The following ITPR1 variants were observed in gnomAD, a reference collection of about 807,000 sequenced individuals.
The protein encoded by ITPR1 is inositol 1,4,5-trisphosphate receptor type 1.
In ITPR1, 96 loss-of-function variants were observed where a neutral mutation model predicts 318.4. The observed-to-expected ratio is 0.30, with a 90% CI of 0.26 to 0.36. The LOEUF (loss-of-function observed/expected upper bound fraction) is 0.36, where lower values mean the gene tolerates loss of function less well. Among genes scored for constraint, ITPR1 ranks in the 10% least tolerant of loss-of-function variants. The pLI is 1.00. For synonymous variants in ITPR1, 1,312 were observed against 1,289.9 expected (o/e 1.02, Z -0.37); for missense variants, 2,440 against 3,460.2 (o/e 0.71, Z 7.40).
intron 4 of ITPR1, among the ~76,000 whole-genome samples, chr3:4,571,187 T>A (rs1301739203): frequency 6.6e-6 from 1 of 152,146 alleles, no homozygotes; most frequent in Non-Finnish European, 1.5e-5. Flanking sequence ...TATGGTAAAT[T>A]GGCATTACAA....
chr3:4,821,678 A>G (rs1182137096), intron 60 of ITPR1, among the ~76,000 whole-genome samples: 2 of 152,216 alleles, frequency 1.3e-5, no homozygotes, highest in South Asian at 2.1e-4. Flanking sequence ...TCAGCCATGT[A>G]AAAACACAAC....
At chr3:4,673,769 G>A (rs188634327) in intron 21 of ITPR1, among the ~76,000 whole-genome samples, 1,831 of 151,994 alleles carry the variant, frequency 0.012, 41 homozygotes, top group Middle Eastern at 0.054. Flanking sequence ...TTTTTAGTAG[G>A]GACGGGGTTT....
chr3:4,818,031 C>G, intron 59 of ITPR1, 51 bp from the exon 60 acceptor site: 1 of 1,485,032 alleles, frequency 6.7e-7, no homozygotes, highest in Non-Finnish European at 9.0e-7. Context: ...GATTTTTTTT[C>G]TTTACCAAGG....
At chr3:4,671,722 G>A (rs2094089522) in intron 20 of ITPR1, 1 of 152,154 alleles carries the variant, frequency 6.6e-6, no homozygotes, top group Non-Finnish European at 1.5e-5. Flanking sequence ...GAAAAGGAAA[G>A]GGAAGATAAA....
rs575193856 is a variant in ITPR1, at chr3:4,713,563, G to GC, written c.5103+1699dup. Among the ~76,000 whole-genome samples, 57 of 152,242 alleles carry GC rather than the reference G, an allele frequency of 3.7e-4. No homozygotes were observed. The East Asian group carries it at 0.01, about 27-fold the overall frequency. ...TGGAAGGTGTGCTGCCCTGCTCCCTGCCCCTACCCATTAGTGCCAACTGGG... is the reference window on the plus strand; with the variant it reads ...TGGAAGGTGTGCTGCCCTGCTCCCTGCCCCCTACCCATTAGTGCCAACTGGG... On this transcript the variant is annotated intron_variant, in intron 39 of 61. Coordinates refer to ENST00000649015, the MANE Select transcript of ITPR1 (RefSeq NM_001378452.1).
chr3:4,709,576 C>G (rs1161075529), intron 37 of ITPR1, among the ~76,000 whole-genome samples: 2 of 152,208 alleles, frequency 1.3e-5, no homozygotes, highest in Admixed American at 6.5e-5. Flanking sequence ...ATGGAGCAGG[C>G]TTTAGCATCT....
At chr3:4,824,177 G>A (rs937967621) in intron 60 of ITPR1, among the ~76,000 whole-genome samples, 3 of 152,140 alleles carry the variant, frequency 2.0e-5, no homozygotes, top group Admixed American at 6.5e-5. Flanking sequence ...ATGCACCAGC[G>A]CTGCCGTTTC....
chr3:4,662,254 C>G lies in ITPR1; in HGVS notation c.1412+12C>G. On this transcript the variant is annotated intron_variant, in intron 15 of 61. Transcript: ENST00000649015. ...CAGAATGAAAGGAGGTGAGCACTCCCGCATGCTCAGCACAGCCGCCCTCCC... is the reference window on the plus strand; with the variant it reads ...CAGAATGAAAGGAGGTGAGCACTCCGGCATGCTCAGCACAGCCGCCCTCCC... 1.9e-6 allele frequency: 3 copies of G among 1,581,954 alleles called. No individual in the cohort carries two copies. Among genetic ancestry groups the G allele is most frequent in the Non-Finnish European group, 2.6e-6 (3 of 1,162,458 alleles).
At chr3:4,671,828 G>C (rs779068420) in intron 20 of ITPR1, 1 of 152,166 alleles carries the variant, frequency 6.6e-6, no homozygotes, top group African/African-American at 2.4e-5. Context: ...CATGTGTGAT[G>C]TACGCATCCT....
At chr3:4,536,137 T>C (rs545002812) in intron 4 of ITPR1, among the ~76,000 whole-genome samples, 1 of 152,326 alleles carries the variant, frequency 6.6e-6, no homozygotes, top group South Asian at 2.1e-4. Context: ...TCACCTGCCC[T>C]GGAGGCTGCA....
chr3:4,745,212 G>T (rs2044014908), intron 44 of ITPR1, among the ~76,000 whole-genome samples: 2 of 130,906 alleles, frequency 1.5e-5, no homozygotes, highest in South Asian at 5.2e-4. Flanking sequence ...TCTTCCTTTT[G>T]GTGGGAGCAG....
intron 61 of ITPR1, among the ~76,000 whole-genome samples, chr3:4,839,025 G>C (rs150578939): frequency 1.3e-5 from 2 of 152,204 alleles, no homozygotes; most frequent in East Asian, 1.9e-4. Flanking sequence ...TGAGGAATTA[G>C]AGTAAAGAAT....
intron 4 of ITPR1, among the ~76,000 whole-genome samples, chr3:4,538,883 G>A (rs35878278): frequency 1.3e-5 from 2 of 151,928 alleles, no homozygotes; most frequent in African/African-American, 4.8e-5. Flanking sequence ...TTAGGGGATG[G>A]GTGAGGGGAG....
intron 29 of ITPR1, 62 bp downstream of exon 29, chr3:4,684,408 T>G (rs1013285051): frequency 8.3e-7 from 1 of 1,210,598 alleles, no homozygotes; most frequent in Non-Finnish European, 1.2e-6. Context: ...AGCTTTAGTT[T>G]GTGATAGTCA....
chr3:4,670,413 A>T (rs535958489), intron 19 of ITPR1, among the ~76,000 whole-genome samples: 1 of 152,106 alleles, frequency 6.6e-6, no homozygotes, highest in African/African-American at 2.4e-5. Flanking sequence ...GGGCTGTGCT[A>T]GGCACTGTAA....
intron 4 of ITPR1, among the ~76,000 whole-genome samples, chr3:4,577,461 C>A (rs2088810618): frequency 6.6e-6 from 1 of 152,172 alleles, no homozygotes; most frequent in Non-Finnish European, 1.5e-5. Context: ...GCGAACCATG[C>A]TGACTAGTGC....
At chr3:4,769,213 A>G (rs1274063619) in intron 46 of ITPR1, among the ~76,000 whole-genome samples, 1 of 152,016 alleles carries the variant, frequency 6.6e-6, no homozygotes, top group African/African-American at 2.4e-5. Context: ...TGGCCAGATC[A>G]GCAAAGTTCT....
Position 4,495,936 on chromosome 3 carries a change from A to G in ITPR1, c.-17+1430A>G, listed in dbSNP as rs746757373. On this transcript the variant is annotated intron_variant, in intron 2 of 61. Transcript: ENST00000649015. ...CCTCCCACCAATGATGAAATAATAC[A>G]TAACATTGATGTAAGAAGGAAAGGA... Among the ~76,000 whole-genome samples, 4 of 152,328 alleles carry G rather than the reference A, an allele frequency of 2.6e-5. No homozygotes were observed. The South Asian group carries it at 8.3e-4, about 32-fold the overall frequency.
intron 47 of ITPR1, among the ~76,000 whole-genome samples, chr3:4,775,818 GT>G (rs1184501455): frequency 6.6e-6 from 1 of 152,194 alleles, no homozygotes; most frequent in Non-Finnish European, 1.5e-5. Flanking sequence ...CTGGAAGGGG[GT>G]TTAAGCCTAG....
Sources: allele counts gnomAD v4.1 joint callset (sites outside exome capture counted in the v4.1 genomes callset), GRCh38; gene constraint gnomAD v4.1.1; transcripts MANE v1.5; gene names NCBI Gene and HGNC (gene_info 2026-07-23, HGNC 2026-07-21).